The following RBFOX1 variants were observed in gnomAD, a reference collection of about 807,000 sequenced individuals.
RBFOX1 encodes RNA binding protein fox-1 homolog 1.
A neutral mutation model predicts 57.7 loss-of-function variants in RBFOX1; 8 were observed. That is an observed-to-expected ratio of 0.14 (90% CI 0.08 to 0.25). The LOEUF (loss-of-function observed/expected upper bound fraction) is 0.25, where lower values mean the gene tolerates loss of function less well. RBFOX1 is among the 10% of genes least tolerant of loss of function. The pLI, the probability that RBFOX1 is intolerant of heterozygous loss-of-function variation, is 1.00. For synonymous variants in RBFOX1, 326 were observed against 222.4 expected (o/e 1.47, Z -4.15); for missense variants, 611 against 548.5 (o/e 1.11, Z -1.14).
chr16:7,219,625 C>G (rs144897283), intron 4 of RBFOX1, among the ~76,000 whole-genome samples: 6 of 152,172 alleles, frequency 3.9e-5, no homozygotes, highest in African/African-American at 1.2e-4. Context: ...ATTTTTCACA[C>G]TTGATGGGAT....
At chr16:7,373,556 G>T (rs1441087057) in intron 4 of RBFOX1, among the ~76,000 whole-genome samples, 1 of 152,144 alleles carries the variant, frequency 6.6e-6, no homozygotes, top group Non-Finnish European at 1.5e-5. Flanking sequence ...AAAAGAGAGT[G>T]CCCGGGCAAG....
intron 3 of RBFOX1, among the ~76,000 whole-genome samples, chr16:6,982,105 G>A (rs973457808): frequency 2.0e-5 from 3 of 152,022 alleles, no homozygotes; most frequent in African/African-American, 4.8e-5. Flanking sequence ...TGTGGCCCCC[G>A]CACCAATGAC....
At chr16:6,847,468 G>C (rs570673772) in intron 3 of RBFOX1, among the ~76,000 whole-genome samples, 1 of 152,036 alleles carries the variant, frequency 6.6e-6, no homozygotes, top group East Asian at 2.0e-4. Flanking sequence ...GGAGCCACAG[G>C]GGGTGGGCTG....
chr16:7,516,421 T>C (rs1461798295), intron 4 of RBFOX1, among the ~76,000 whole-genome samples: 4 of 152,116 alleles, frequency 2.6e-5, no homozygotes, highest in African/African-American at 9.7e-5. Context: ...ATCTGCACCA[T>C]ACAGGCTGAA....
chr16:6,699,176 A>C (rs902568571), intron 3 of RBFOX1, among the ~76,000 whole-genome samples: 1 of 152,104 alleles, frequency 6.6e-6, no homozygotes, highest in Admixed American at 6.5e-5. Flanking sequence ...GTCAGTTTTT[A>C]AACCATTTTT....
At position 5,268,391 on chromosome 16, in the gene RBFOX1, C is replaced by G. The variant is rs138728487; in HGVS notation, c.219+28286C>G. ...TTGGAAATTTACTTAGAGTCAACAA[C>G]AAGTACAGGAAAGTCAGTTCTTAGT... On this transcript the variant is annotated intron_variant, in intron 1 of 2. Coordinates refer to the RBFOX1 transcript ENST00000585867. Among the ~76,000 whole-genome samples the G allele has an allele frequency of 9.3e-3, 1,414 of 152,284 alleles. 22 individuals are homozygous for G. The highest frequency in any genetic ancestry group is 0.032 in the African/African-American group (1,337 of 41,554).
chr16:5,892,116 A>G (rs1282782933), intron 4 of RBFOX1, among the ~76,000 whole-genome samples: 1 of 152,184 alleles, frequency 6.6e-6, no homozygotes, highest in Non-Finnish European at 1.5e-5. Context: ...TTCTAGCAGG[A>G]TGGATTACAC....
At chr16:7,523,441 G>A (rs1447106898) in intron 5 of RBFOX1, among the ~76,000 whole-genome samples, 1 of 152,194 alleles carries the variant, frequency 6.6e-6, no homozygotes, top group East Asian at 1.9e-4. Flanking sequence ...CATCATCAAA[G>A]GAAGGATTCC....
At chr16:6,902,139 G>A (rs577117805) in intron 3 of RBFOX1, among the ~76,000 whole-genome samples, 73 of 152,232 alleles carry the variant, frequency 4.8e-4, no homozygotes, top group African/African-American at 1.7e-3. Flanking sequence ...GCTGGAACTT[G>A]GTAGGTGGTG....
At chr16:6,277,423 C>A (rs982480105) in intron 1 of RBFOX1, among the ~76,000 whole-genome samples, 2 of 134,718 alleles carry the variant, frequency 1.5e-5, no homozygotes, top group Non-Finnish European at 3.0e-5. Context: ...CAGCGCTGCA[C>A]CCCAGAGAGA....
At chr16:7,377,902 G>A (rs940978341) in intron 4 of RBFOX1, among the ~76,000 whole-genome samples, 36 of 152,298 alleles carry the variant, frequency 2.4e-4, no homozygotes, top group African/African-American at 7.9e-4. Flanking sequence ...CCATAGTTTG[G>A]AGACTCAGAG....
At position 5,270,828 on chromosome 16, in the gene RBFOX1, C is replaced by G. The variant is rs143599787; in HGVS notation, c.219+30723C>G. On this transcript the variant is annotated intron_variant, in intron 1 of 2. Transcript: ENST00000585867. ...TAGAAAAGTAAAAATGCTGGAGAAC[C>G]CTTGGTTTGAAAGGCATGGAGCTTC... 1.3e-4 allele frequency: 58 copies of G among 435,060 alleles called. No homozygotes were observed. In the East Asian group the frequency reaches 3.4e-3, roughly 26 times the overall value. 26.9% of individuals were successfully genotyped at this position (435,060 alleles called of 1,614,324 possible).
rs1212251793 is a variant in RBFOX1, at chr16:7,365,156, G to GTC, written c.28-152990_28-152989dup. 2.7e-4 allele frequency among the ~76,000 whole-genome samples: 41 copies of GTC among 152,112 alleles called. 1 individual carries two copies. Among genetic ancestry groups the GTC allele is most frequent in the Non-Finnish European group, 1.5e-5 (1 of 68,020 alleles). ...TGATGGATAGGGTTTCAAGACTACT[G>GTC]TCACGATCATGGGAGACTTTTTCTT... On this transcript the variant is annotated intron_variant, in intron 4 of 15. Transcript: ENST00000550418.
chr16:6,139,765 A>G (rs565748956), intron 1 of RBFOX1, among the ~76,000 whole-genome samples: 26 of 151,302 alleles, frequency 1.7e-4, no homozygotes, highest in African/African-American at 6.1e-4. Context: ...ATTTCTCCTT[A>G]TGTATCTGTT....
chr16:6,840,278 T>C (rs1162654045), intron 3 of RBFOX1, among the ~76,000 whole-genome samples: 4 of 152,156 alleles, frequency 2.6e-5, no homozygotes, highest in Admixed American at 6.5e-5. Flanking sequence ...CTGAAAGACC[T>C]TCCGAAAAAT....
intron 3 of RBFOX1, among the ~76,000 whole-genome samples, chr16:6,970,912 C>G (rs1242664332): frequency 6.6e-6 from 1 of 152,168 alleles, no homozygotes; most frequent in Non-Finnish European, 1.5e-5. Flanking sequence ...TTGTGCTGTG[C>G]TGTTCCATTT....
At chr16:7,180,507 C>T (rs747356808) in intron 4 of RBFOX1, among the ~76,000 whole-genome samples, 1 of 152,122 alleles carries the variant, frequency 6.6e-6, no homozygotes, top group Non-Finnish European at 1.5e-5. Flanking sequence ...ATTCATTTAT[C>T]TGGTAGGGTC....
chr16:7,335,584 GAAAAAAAAAA>G (rs959362612), intron 4 of RBFOX1, among the ~76,000 whole-genome samples: 2 of 74,652 alleles, frequency 2.7e-5, no homozygotes, highest in East Asian at 4.2e-4. Context: ...CTCAGATAAA[GAAAAAAAAAA>G]AAAAAAAAAA....
intron 4 of RBFOX1, among the ~76,000 whole-genome samples, chr16:7,354,118 C>G (rs1049558362): frequency 6.6e-6 from 1 of 151,972 alleles, no homozygotes; most frequent in Non-Finnish European, 1.5e-5. Flanking sequence ...ATTACAGGAT[C>G]TGCCACCACG....
Sources: allele counts gnomAD v4.1 joint callset (sites outside exome capture counted in the v4.1 genomes callset), GRCh38; gene constraint gnomAD v4.1.1; transcripts MANE v1.5; gene names NCBI Gene and HGNC (gene_info 2026-07-23, HGNC 2026-07-21).